The following GOLM2 variants were observed in gnomAD, a reference collection of about 807,000 sequenced individuals.
The protein encoded by GOLM2 is protein GOLM2.
Under a neutral mutation model 55.9 loss-of-function variants are expected in GOLM2, and 26 were observed. That is an observed-to-expected ratio of 0.47 (90% CI 0.34 to 0.65). The LOEUF (loss-of-function observed/expected upper bound fraction) is 0.65, where lower values mean the gene tolerates loss of function less well. Ranked by LOEUF, GOLM2 falls within the 30% of genes least tolerant of loss-of-function variation. The pLI, the probability that GOLM2 is intolerant of heterozygous loss-of-function variation, is 0.01. For synonymous variants in GOLM2, 165 were observed against 194.6 expected, an observed-to-expected ratio of 0.85 and a Z score of 1.27; for missense variants, 486 against 531.8, an observed-to-expected ratio of 0.91 and a Z score of 0.85.
intron 6 of GOLM2, among the ~76,000 whole-genome samples, chr15:44,347,172 T>A (rs560910682): frequency 2.4e-4 from 36 of 152,092 alleles, no homozygotes; most frequent in Admixed American, 2.2e-3. Context: ...GTGAGATAAC[T>A]GAATAGAAGC....
At chr15:44,353,507 G>A (rs1184535676) in intron 6 of GOLM2, among the ~76,000 whole-genome samples, 2 of 152,170 alleles carry the variant, frequency 1.3e-5, no homozygotes, top group Non-Finnish European at 2.9e-5. Context: ...ATTCGCAGTA[G>A]CCAGGATTTG....
chr15:44,345,831 G>C (rs1453747373), intron 6 of GOLM2: 2 of 151,664 alleles, frequency 1.3e-5, no homozygotes, highest in Non-Finnish European at 2.9e-5. Flanking sequence ...TTACTCCCTT[G>C]GTTCTTATTT....
chr15:44,359,532 G>A (rs953575206), intron 6 of GOLM2, among the ~76,000 whole-genome samples: 1 of 152,164 alleles, frequency 6.6e-6, no homozygotes, highest in African/African-American at 2.4e-5. Flanking sequence ...AGCTTGCAGT[G>A]AGCTGAGATT....
At chr15:44,305,279 C>T (rs928237287) in intron 1 of GOLM2, among the ~76,000 whole-genome samples, 26 of 152,140 alleles carry the variant, frequency 1.7e-4, no homozygotes, top group African/African-American at 5.6e-4. Flanking sequence ...GAATTAATGG[C>T]CACTGTGCCC....
chr15:44,367,142 A>G (rs1227479257), intron 6 of GOLM2, among the ~76,000 whole-genome samples: 2 of 151,412 alleles, frequency 1.3e-5, no homozygotes, highest in African/African-American at 4.8e-5. Flanking sequence ...TATATTGCCT[A>G]TGGTTGCTTT....
At chr15:44,328,968 T>C (rs1351652577) in intron 3 of GOLM2, among the ~76,000 whole-genome samples, 181 bp downstream of exon 3, 1 of 152,254 alleles carries the variant, frequency 6.6e-6, no homozygotes, top group Non-Finnish European at 1.5e-5. Context: ...GACTCTTTTA[T>C]TTTGATAAAT....
intron 3 of GOLM2, 35 bp from the exon 4 acceptor site, chr15:44,331,953 A>G (rs1306079750): frequency 1.4e-6 from 2 of 1,405,768 alleles, no homozygotes; most frequent in Non-Finnish European, 2.0e-6. Context: ...CCAATCCAAG[A>G]TAATATAATC....
chr15:44,385,119 C>T (rs572955615), intron 8 of GOLM2, among the ~76,000 whole-genome samples: 2 of 152,088 alleles, frequency 1.3e-5, no homozygotes, highest in East Asian at 1.9e-4. Flanking sequence ...TTTTGGCTAT[C>T]GAATAGTGCT....
chr15:44,355,443 C>T, intron 6 of GOLM2: 1 of 169,106 alleles, frequency 5.9e-6, no homozygotes. Flanking sequence ...GAGTAACCTG[C>T]CAAATATGAT....
intron 2 of GOLM2, among the ~76,000 whole-genome samples, chr15:44,325,873 G>C (rs1026838266): frequency 2.0e-5 from 3 of 152,256 alleles, no homozygotes; most frequent in Admixed American, 2.0e-4. Context: ...AGCTGAAAGG[G>C]TTTTTTATGG....
intron 3 of GOLM2, among the ~76,000 whole-genome samples, chr15:44,331,401 T>C (rs1595630076): frequency 1.3e-5 from 2 of 152,220 alleles, no homozygotes; most frequent in South Asian, 4.1e-4. Context: ...TTTTGCATGA[T>C]TGGTGTATGT....
In GOLM2 at chr15:44,289,041, C is replaced by T; in HGVS notation, c.12C>T (p.Phe4=). 2.5e-6 allele frequency: 4 copies of T among 1,612,992 alleles called. No individual in the cohort carries two copies. The highest frequency in any genetic ancestry group is 3.4e-6 in the Non-Finnish European group (4 of 1,179,448). ...CCCGATTTGGCCCCATGGTGGGTTT[C>T]GGGGCCAACCGGCGGGCTGGCCGCC... MVG[F]GANRRAGRLP... The change falls in exon 1 of 10, where the codon TTC becomes TTT. Residue 4 remains phenylalanine (F), a synonymous_variant. Transcript: ENST00000299957. This position sits in a 1 kb window ranked among gnomAD's most constrained non-coding sequence, Gnocchi z 4.8.
chr15:44,369,925 G>C (rs368996766), intron 6 of GOLM2, among the ~76,000 whole-genome samples: 1 of 152,054 alleles, frequency 6.6e-6, no homozygotes, highest in African/African-American at 2.4e-5. Context: ...ACGATCACAA[G>C]GTCCCACATT....
intron 6 of GOLM2, among the ~76,000 whole-genome samples, chr15:44,362,724 C>T (rs1452325970): frequency 2.6e-5 from 4 of 152,210 alleles, no homozygotes; most frequent in Middle Eastern, 3.4e-3. Flanking sequence ...AAAAAGAGCC[C>T]GCATCGCCAA....
intron 6 of GOLM2, among the ~76,000 whole-genome samples, chr15:44,372,713 C>T (rs2079336376): frequency 6.6e-6 from 1 of 152,094 alleles, no homozygotes; most frequent in Non-Finnish European, 1.5e-5. Context: ...CAGATACAGT[C>T]CCAGCCCCCA....
chr15:44,381,191 T>G (rs922155174), intron 8 of GOLM2, among the ~76,000 whole-genome samples: 1 of 152,210 alleles, frequency 6.6e-6, no homozygotes, highest in Non-Finnish European at 1.5e-5. Flanking sequence ...TGTTCTCCAT[T>G]GTTAAATAAT....
intron 1 of GOLM2, among the ~76,000 whole-genome samples, chr15:44,309,283 T>C (rs2078858297): frequency 6.6e-6 from 1 of 152,302 alleles, no homozygotes; most frequent in Admixed American, 6.5e-5. Flanking sequence ...CTTCTGAGCA[T>C]ATATTTAAAG....
chr15:44,396,558 T>A (rs1207540417), intron 8 of GOLM2, among the ~76,000 whole-genome samples: 1 of 152,138 alleles, frequency 6.6e-6, no homozygotes, highest in African/African-American at 2.4e-5. Flanking sequence ...CCTTACTCAT[T>A]TTTTTCTCTA....
intron 1 of GOLM2, among the ~76,000 whole-genome samples, chr15:44,318,167 C>T (rs890740292): frequency 6.6e-6 from 1 of 152,166 alleles, no homozygotes; most frequent in Non-Finnish European, 1.5e-5. Flanking sequence ...ACTGAAGTTT[C>T]ATTTTCATGT....
Sources: allele counts gnomAD v4.1 joint callset (sites outside exome capture counted in the v4.1 genomes callset), GRCh38; gene constraint gnomAD v4.1.1; non-coding constraint Gnocchi (gnomAD v3.1); transcripts MANE v1.5; gene names NCBI Gene and HGNC (gene_info 2026-07-23, HGNC 2026-07-21).